Variants in OGFOD1 observed in about 807,000 individuals in gnomAD.
OGFOD1 encodes 2-oxoglutarate and iron dependent oxygenase domain containing 1, also known as prolyl 3-hydroxylase OGFOD1.
A neutral mutation model predicts 67.7 loss-of-function variants in OGFOD1; 54 were observed. The ratio of observed to expected loss-of-function variants is 0.80; its 90% CI spans 0.64 to 1.00. The LOEUF is 1.00. OGFOD1 is among the 50% of genes least tolerant of loss of function. The pLI is 0.00. For missense variants in OGFOD1, 606 were observed against 646.7 expected (o/e 0.94, Z 0.68); for synonymous variants, 221 against 227.0 (o/e 0.97, Z 0.24).
chr16:56,461,607 T>C (rs1476652958), intron 3 of OGFOD1, among the ~76,000 whole-genome samples: 2 of 152,192 alleles, frequency 1.3e-5, no homozygotes, highest in African/African-American at 4.8e-5. Context: ...GTAATCAGTA[T>C]CTGAAGTGGG....
At chr16:56,469,937 C>T in intron 8 of OGFOD1, 66 bp from the exon 9 acceptor site, 2 of 1,336,798 alleles carry the variant, frequency 1.5e-6, no homozygotes, top group South Asian at 1.2e-5. Flanking sequence ...AGCTGCTGTA[C>T]CTGCCAAACC....
At chr16:56,465,659 T>TA (rs1303428308) in intron 4 of OGFOD1, 3 of 154,278 alleles carry the variant, frequency 1.9e-5, no homozygotes. Flanking sequence ...TTAGTCTTTA[T>TA]AGTAGCCAAG....
chr16:56,465,996 A>G, intron 4 of OGFOD1, 156 bp from the exon 5 acceptor site: 1 of 574,330 alleles, frequency 1.7e-6, no homozygotes. Context: ...TTTACTTATA[A>G]AAGAGGAGAA....
intron 2 of OGFOD1, among the ~76,000 whole-genome samples, chr16:56,455,474 T>C (rs1228398711): frequency 6.6e-6 from 1 of 152,032 alleles, no homozygotes; most frequent in Non-Finnish European, 1.5e-5. Flanking sequence ...ACATGGAAGT[T>C]TGGTGAAACT....
At chr16:56,453,130 C>A in intron 1 of OGFOD1, 133 bp from the exon 2 acceptor site, 1 of 859,194 alleles carries the variant, frequency 1.2e-6, no homozygotes, top group Non-Finnish European at 1.8e-6. Flanking sequence ...CATTTTTTCC[C>A]CAAATCTTAG....
At chr16:56,470,163 C>A in intron 9 of OGFOD1, 81 bp downstream of exon 9, 1 of 1,280,404 alleles carries the variant, frequency 7.8e-7, no homozygotes, top group Non-Finnish European at 1.1e-6. Context: ...TGACAAAAAG[C>A]CTAAAGGAAA....
intron 2 of OGFOD1, chr16:56,454,647 G>GC (rs1962458988): frequency 3.1e-6 from 1 of 320,490 alleles, no homozygotes; most frequent in African/African-American, 2.5e-5. Context: ...CTTCAAATTG[G>GC]GGGGGGAAAA....
At chr16:56,474,070 C>T (rs75355359) in intron 10 of OGFOD1, among the ~76,000 whole-genome samples, 11,769 of 151,908 alleles carry the variant, frequency 0.077, 677 homozygotes, top group East Asian at 0.16. Context: ...CAGAGGAGTA[C>T]TAACCTTCTG....
At chr16:56,471,466 A>G (rs998783929) in intron 10 of OGFOD1, among the ~76,000 whole-genome samples, 17 of 152,218 alleles carry the variant, frequency 1.1e-4, no homozygotes, top group Admixed American at 1.1e-3. Flanking sequence ...TCTGAATATA[A>G]CAGCCTAAGA....
chr16:56,457,041 A>T (rs1962545334), intron 2 of OGFOD1, among the ~76,000 whole-genome samples: 2 of 152,248 alleles, frequency 1.3e-5, no homozygotes, highest in Non-Finnish European at 2.9e-5. Context: ...TCACCTGCTT[A>T]GACAGTCACT....
rs201453273 is a variant in OGFOD1 at position 56,476,025 on chromosome 16, C to T, written c.1468-19C>T. The T allele has an allele frequency of 1.2e-6, 2 of 1,600,766 alleles. No homozygotes were observed. Among genetic ancestry groups the T allele is most frequent in the Non-Finnish European group, 8.5e-7 (1 of 1,173,132 alleles). ...ATAAGTTCTGTGTTCTGATGTGTCA[C>T]TGTATTTGTCTTTTTCAGCTGCTAA... On this transcript the variant is annotated intron_variant, in intron 12 of 12. Transcript: ENST00000566157.
intron 2 of OGFOD1, among the ~76,000 whole-genome samples, chr16:56,456,902 C>T (rs1484893313): frequency 6.6e-6 from 1 of 152,210 alleles, no homozygotes; most frequent in African/African-American, 2.4e-5. Context: ...GTGTAAATGA[C>T]ATACCACTGT....
Position 56,467,211 on chromosome 16 carries a change from G to A in OGFOD1, c.704G>A (p.Gly235Asp), listed in dbSNP as rs1962939477. The A allele has an allele frequency of 1.9e-6, 3 of 1,614,094 alleles. No homozygotes were observed. The highest frequency in any genetic ancestry group is 2.5e-6 in the Non-Finnish European group (3 of 1,180,008). Residue 235 changes from glycine to aspartate, a missense_variant, in exon 7 of 13, where the codon GGC (glycine) becomes GAC (aspartate). Physicochemically the swap from Gly to Asp is moderately conservative, Grantham distance 94 (BLOSUM62 -1). Transcript: ENST00000566157. ...SEEKSRLSISGWFHGPSLTRP... is the reference protein window; with the variant it reads ...SEEKSRLSISDWFHGPSLTRP... ...GAAAAGTCACGTTTGTCTATAAGTGGCTGGTTTCATGGTCCATCATTGACT... is the reference window on the plus strand; with the variant it reads ...GAAAAGTCACGTTTGTCTATAAGTGACTGGTTTCATGGTCCATCATTGACT...
chr16:56,467,889 G>T lies in OGFOD1; in HGVS notation c.787-16G>T. ...AATTATTAACTCACATTTTGCATCT[G>T]CTGCCTCTTCGTAAGCATGAGATTT... is the stretch of plus-strand genomic sequence containing the variant. On this transcript the variant is annotated splice_polypyrimidine_tract_variant and intron_variant, in intron 7 of 12. Transcript: ENST00000566157. 8.0e-7 allele frequency: 1 copy of T among 1,254,630 alleles called. No homozygotes were observed. Among genetic ancestry groups the T allele is most frequent in the Non-Finnish European group, 1.2e-6 (1 of 851,668 alleles). The allele number at this position is 1,254,630 out of a possible 1,614,324, so 77.7% of individuals were successfully genotyped here. A position where few individuals can be genotyped will look rare whatever the true frequency, so the allele number is the denominator to read the frequency against.
chr16:56,466,242 G>A lies in OGFOD1; in HGVS notation c.539G>A (p.Gly180Asp). 6.2e-7 allele frequency: 1 copy of A among 1,613,296 alleles called. No individual in the cohort carries two copies. The highest frequency in any genetic ancestry group is 1.1e-5 in the South Asian group (1 of 91,058). Residue 180 changes from glycine (G) to aspartate (D), a missense_variant, in exon 5 of 13, where the codon GGT becomes GAT. Physicochemically the swap from Gly to Asp is moderately conservative, Grantham distance 94. Transcript: ENST00000566157. ...LVPPWDRSMG[G>D]TLDLYSIDEH... ...CCTCCCTGGGACAGGAGCATGGGTG[G>A]TACCCTGGACCTGTACAGCATTGAT...
At chr16:56,459,526 A>G (rs533342101) in intron 3 of OGFOD1, among the ~76,000 whole-genome samples, 1 of 152,348 alleles carries the variant, frequency 6.6e-6, no homozygotes, top group South Asian at 2.1e-4. Flanking sequence ...AATATGATAT[A>G]CATGAGTTTT....
In OGFOD1 at chr16:56,463,339, C is replaced by CCATAT. The variant is rs550477060; in HGVS notation, c.448+709_448+713dup. Among the ~76,000 whole-genome samples, 253 of 147,332 alleles carry CCATAT rather than the reference C, an allele frequency of 1.7e-3. 1 individual carries two copies. Among genetic ancestry groups the CCATAT allele is most frequent in the South Asian group, 5.0e-3 (23 of 4,640 alleles). On this transcript the variant is annotated intron_variant, in intron 4 of 12. Coordinates refer to ENST00000566157, the MANE Select transcript of OGFOD1 (RefSeq NM_018233.4). ...ATGACTTGGTGATACATAGGAAAAG[C>CCATAT]CATATCATGTATCTTCATTTACTGC...
intron 4 of OGFOD1, among the ~76,000 whole-genome samples, chr16:56,463,202 C>T (rs1962774945): frequency 6.6e-6 from 1 of 151,982 alleles, no homozygotes; most frequent in Non-Finnish European, 1.5e-5. Flanking sequence ...CTTGGTTTTT[C>T]ACCCAGAAGG....
At chr16:56,462,105 A>G (rs1461421355) in intron 3 of OGFOD1, among the ~76,000 whole-genome samples, 1 of 151,596 alleles carries the variant, frequency 6.6e-6, no homozygotes, top group Non-Finnish European at 1.5e-5. Flanking sequence ...AAAAAAAAAA[A>G]GAAAGAAAAG....
Sources: allele counts gnomAD v4.1 joint callset (sites outside exome capture counted in the v4.1 genomes callset), GRCh38; gene constraint gnomAD v4.1.1; transcripts MANE v1.5; gene names NCBI Gene and HGNC (gene_info 2026-07-23, HGNC 2026-07-21).